ANK1: variants seen among roughly 807,000 people sequenced by gnomAD.
ANK1 encodes ankyrin 1.
Under a neutral mutation model 210.4 loss-of-function variants are expected in ANK1, and 51 were observed. The ratio of observed to expected loss-of-function variants is 0.24; its 90% CI spans 0.19 to 0.31. ANK1 has a LOEUF of 0.31. Ranked by LOEUF, ANK1 falls within the 10% of genes least tolerant of loss-of-function variation. ANK1 has a pLI of 1.00. For synonymous variants in ANK1, 967 were observed against 1,025.9 expected, an observed-to-expected ratio of 0.94 and a Z score of 1.10; for missense variants, 2,051 against 2,504.4, an observed-to-expected ratio of 0.82 and a Z score of 3.86.
chr8:41,693,530 C>T (rs1819908193), intron 29 of ANK1, among the ~76,000 whole-genome samples: 1 of 140,434 alleles, frequency 7.1e-6, no homozygotes, highest in Non-Finnish European at 1.5e-5. Context: ...CTCCACCTCC[C>T]AGGTTCAAGC....
intron 25 of ANK1, 32 bp from the exon 26 acceptor site, chr8:41,696,619 T>C (rs779255977): frequency 6.2e-7 from 1 of 1,612,340 alleles, no homozygotes; most frequent in Admixed American, 1.7e-5. Context: ...GTTGGGCTTC[T>C]GCATCCCCTC....
At chr8:41,798,289 C>A (rs530435977), upstream of ANK1, among the ~76,000 whole-genome samples, 8 of 152,162 alleles carry the variant, frequency 5.3e-5, no homozygotes, top group South Asian at 1.0e-3. Flanking sequence ...TTCACTAGGG[C>A]CCCATGCTGC....
At chr8:41,709,709 A>G (rs533088231) in intron 16 of ANK1, among the ~76,000 whole-genome samples, 1 of 152,296 alleles carries the variant, frequency 6.6e-6, no homozygotes, top group East Asian at 1.9e-4. Flanking sequence ...CTGAGGTGTG[A>G]GGATCACTTG....
intron 1 of ANK1, among the ~76,000 whole-genome samples, chr8:41,778,456 T>C (rs1844578825): frequency 6.6e-6 from 1 of 152,182 alleles, no homozygotes; most frequent in African/African-American, 2.4e-5. Context: ...TTTTAGGAAG[T>C]TGTGGGGATC....
intron 1 of ANK1, among the ~76,000 whole-genome samples, chr8:41,762,304 T>A (rs1222547048): frequency 6.6e-6 from 1 of 152,218 alleles, no homozygotes; most frequent in Non-Finnish European, 1.5e-5. Flanking sequence ...CCTGCATGAA[T>A]GACACTATGC....
chr8:41,811,468 G>A (rs1802470179), intron 1 of ANK1, among the ~76,000 whole-genome samples: 1 of 152,184 alleles, frequency 6.6e-6, no homozygotes, highest in Non-Finnish European at 1.5e-5. Flanking sequence ...CACAGGAGCT[G>A]CCATTGCCCC....
chr8:41,778,863 G>A (rs1051120397), intron 1 of ANK1, among the ~76,000 whole-genome samples: 3 of 152,162 alleles, frequency 2.0e-5, no homozygotes, highest in South Asian at 2.1e-4. Flanking sequence ...TTTAGGATCC[G>A]ACACTGAACA....
chr8:41,841,716 T>C (rs1046718555), intron 1 of ANK1, among the ~76,000 whole-genome samples: 1 of 152,152 alleles, frequency 6.6e-6, no homozygotes, highest in Non-Finnish European at 1.5e-5. Context: ...TGTATATCAA[T>C]TACATATCAA....
At chr8:41,741,271 C>T (rs1014957363) in intron 2 of ANK1, among the ~76,000 whole-genome samples, 1 of 152,182 alleles carries the variant, frequency 6.6e-6, no homozygotes, top group Non-Finnish European at 1.5e-5. Context: ...TTCCTCCCTC[C>T]ACCCCTGCCT....
At chr8:41,830,874 T>A (rs1187892146) in intron 1 of ANK1, among the ~76,000 whole-genome samples, 3 of 152,226 alleles carry the variant, frequency 2.0e-5, no homozygotes, top group African/African-American at 7.2e-5. Context: ...TATAATACTG[T>A]CATAACCTTT....
At chr8:41,699,150 G>A (rs1252875482) in intron 23 of ANK1, among the ~76,000 whole-genome samples, 1 of 152,124 alleles carries the variant, frequency 6.6e-6, no homozygotes, top group Non-Finnish European at 1.5e-5. Flanking sequence ...AGGGAGAGGG[G>A]GTGTGGATAT....
At chr8:41,833,512 G>A (rs1054887968) in intron 1 of ANK1, among the ~76,000 whole-genome samples, 3 of 152,240 alleles carry the variant, frequency 2.0e-5, no homozygotes, top group African/African-American at 7.2e-5. Context: ...ATGCAACAAG[G>A]ATAAACGGAA....
chr8:41,880,162 G>A (rs541893377), intron 1 of ANK1, among the ~76,000 whole-genome samples: 1 of 152,324 alleles, frequency 6.6e-6, no homozygotes, highest in East Asian at 1.9e-4. Flanking sequence ...AAAATTAAAT[G>A]AAATTCAAAT....
intron 1 of ANK1, among the ~76,000 whole-genome samples, chr8:41,884,120 C>A (rs1818046537): frequency 6.6e-6 from 1 of 152,162 alleles, no homozygotes; most frequent in South Asian, 2.1e-4. Flanking sequence ...GAGGCCGAGG[C>A]AGACAGATTT....
intron 1 of ANK1, among the ~76,000 whole-genome samples, chr8:41,762,053 C>T (rs940833879): frequency 5.3e-5 from 8 of 152,242 alleles, no homozygotes; most frequent in African/African-American, 1.9e-4. Context: ...CATGGGCCCC[C>T]TATGATGTAA....
chr8:41,879,611 T>G lies in ANK1; in HGVS notation c.126+16744A>C, dbSNP rs528428527. On this transcript the variant is annotated intron_variant, in intron 1 of 42. Transcript: ENST00000265709. ...AGGCACGCACCAGATTGTTCCTATTTCCACAACTGAAAGAGGTGCCGCTGG... is the reference window on the plus strand; with the variant it reads ...AGGCACGCACCAGATTGTTCCTATTGCCACAACTGAAAGAGGTGCCGCTGG... 3.3e-5 allele frequency among the ~76,000 whole-genome samples: 5 copies of G among 152,246 alleles called. No individual in the cohort carries two copies. The South Asian group carries it at 1.0e-3, about 32-fold the overall frequency.
chr8:41,863,442 A>G (rs534088698), intron 1 of ANK1, among the ~76,000 whole-genome samples: 1 of 152,330 alleles, frequency 6.6e-6, no homozygotes, highest in Admixed American at 6.5e-5. Context: ...ACAGAGAAAA[A>G]TAAAAGGAAA....
chr8:41,869,183 T>G (rs1815029785), intron 1 of ANK1, among the ~76,000 whole-genome samples: 1 of 150,338 alleles, frequency 6.7e-6, no homozygotes, highest in Non-Finnish European at 1.5e-5. Flanking sequence ...TCCCTAAAAC[T>G]GCGTGGTTGG....
chr8:41,849,558 T>C (rs1356869245), intron 1 of ANK1, among the ~76,000 whole-genome samples: 3 of 151,570 alleles, frequency 2.0e-5, no homozygotes, highest in African/African-American at 7.3e-5. Context: ...CAGGAGTTCC[T>C]GTCCTATTTC....
Sources: gnomAD v4.1 joint callset for allele counts (sites outside exome capture counted in the v4.1 genomes callset) on GRCh38, gnomAD v4.1.1 for gene constraint, MANE v1.5 for transcripts, NCBI Gene and HGNC (gene_info 2026-07-23, HGNC 2026-07-21) for gene names.